DAB1: variants seen among roughly 807,000 people sequenced by gnomAD.
DAB1 encodes DAB adaptor protein 1.
DAB1 carries 15 observed loss-of-function variants against 64.6 expected under a neutral mutation model. That is an observed-to-expected ratio of 0.23 (90% CI 0.16 to 0.36). DAB1 has a LOEUF of 0.36. Ranked by LOEUF, DAB1 falls within the 10% of genes least tolerant of loss-of-function variation. DAB1 has a pLI of 1.00. For missense variants in DAB1, 596 were observed against 706.7 expected (o/e 0.84, Z 1.78); for synonymous variants, 235 against 251.9 (o/e 0.93, Z 0.64).
chr1:58,318,863 C>T (rs1225146414), intron 4 of DAB1, among the ~76,000 whole-genome samples: 3 of 152,102 alleles, frequency 2.0e-5, no homozygotes, highest in Admixed American at 6.6e-5. Flanking sequence ...TCCGAGGTGC[C>T]GAATGTAACC....
At chr1:57,446,598 C>CA (rs11418380) in intron 7 of DAB1, among the ~76,000 whole-genome samples, 90,158 of 132,584 alleles carry the variant, frequency 0.68, 29,853 homozygotes, top group Admixed American at 0.75. Context: ...AACTCCGTTG[C>CA]AAAAAAAAAA....
chr1:57,839,729 A>G (rs1419592121), intron 1 of DAB1, among the ~76,000 whole-genome samples: 2 of 152,222 alleles, frequency 1.3e-5, no homozygotes, highest in Admixed American at 6.5e-5. Flanking sequence ...ATGCATTATC[A>G]TTCTGTTTTA....
intron 3 of DAB1, among the ~76,000 whole-genome samples, chr1:58,423,948 A>T (rs11207228): frequency 0.26 from 39,584 of 152,144 alleles, 5,539 homozygotes; most frequent in Middle Eastern, 0.3. Context: ...CAAGGAAAGG[A>T]TCTAAGAGAG....
intron 1 of DAB1, among the ~76,000 whole-genome samples, chr1:57,299,681 C>A (rs1013787633): frequency 2.0e-5 from 3 of 151,474 alleles, no homozygotes; most frequent in African/African-American, 7.4e-5. Context: ...TTACATCCAA[C>A]CTTCTAAAAT....
At chr1:57,743,358 T>G (rs527524734) in intron 6 of DAB1, among the ~76,000 whole-genome samples, 81 of 152,296 alleles carry the variant, frequency 5.3e-4, no homozygotes, top group Middle Eastern at 6.8e-3. Context: ...CCCTTGAGAA[T>G]GTACTTTGTG....
At chr1:57,927,773 T>G (rs1329892417) in intron 5 of DAB1, among the ~76,000 whole-genome samples, 1 of 152,196 alleles carries the variant, frequency 6.6e-6, no homozygotes, top group Non-Finnish European at 1.5e-5. Flanking sequence ...TATAATCATC[T>G]CTTTGTTTAG....
At chr1:58,440,308 T>A (rs944497120) in intron 3 of DAB1, among the ~76,000 whole-genome samples, 1 of 152,226 alleles carries the variant, frequency 6.6e-6, no homozygotes, top group Non-Finnish European at 1.5e-5. Flanking sequence ...TTGGGCTAGA[T>A]GCTGAGCTTA....
chr1:57,514,000 C>A (rs1348666378), intron 7 of DAB1, among the ~76,000 whole-genome samples: 4 of 152,200 alleles, frequency 2.6e-5, no homozygotes, highest in Non-Finnish European at 5.9e-5. Flanking sequence ...TCAGGTTCAA[C>A]CAAGTTGTCA....
intron 4 of DAB1, among the ~76,000 whole-genome samples, chr1:58,281,983 T>C (rs1020493807): frequency 6.6e-6 from 1 of 152,000 alleles, no homozygotes; most frequent in Non-Finnish European, 1.5e-5. Flanking sequence ...TCATCACATC[T>C]TCCTCCTCCT....
At position 57,088,647 on chromosome 1, in the gene DAB1, C is replaced by G. The variant is rs147821514; in HGVS notation, c.307-16233G>C. 3.5e-3 allele frequency among the ~76,000 whole-genome samples: 532 copies of G among 152,262 alleles called. 5 individuals carry two copies. Among genetic ancestry groups the G allele is most frequent in the African/African-American group, 0.012 (519 of 41,550 alleles). On this transcript the variant is annotated intron_variant, in intron 4 of 14. Coordinates refer to ENST00000371236, the MANE Select transcript of DAB1 (RefSeq NM_001365792.1). The stretch of plus-strand genomic sequence containing the variant: ...TCCAGCTTTTTGGGATTTTTCACTT[C>G]CCTGACTCTACTCAAGCTCTCACTA...
At chr1:58,387,761 G>A (rs1322175598) in intron 3 of DAB1, among the ~76,000 whole-genome samples, 1 of 128,560 alleles carries the variant, frequency 7.8e-6, no homozygotes, top group Non-Finnish European at 1.6e-5. Context: ...GTCTCGCTCT[G>A]TGTTGCCCAG....
chr1:57,291,701 A>G (rs530261902), intron 1 of DAB1, among the ~76,000 whole-genome samples: 1 of 152,288 alleles, frequency 6.6e-6, no homozygotes, highest in South Asian at 2.1e-4. Flanking sequence ...CAGCAAGCCA[A>G]TTTTTATGTC....
At chr1:58,366,680 G>C (rs1400357101) in intron 3 of DAB1, among the ~76,000 whole-genome samples, 1 of 152,192 alleles carries the variant, frequency 6.6e-6, no homozygotes, top group African/African-American at 2.4e-5. Context: ...TCTCCAAGGA[G>C]CAACTTTTTT....
intron 1 of DAB1, among the ~76,000 whole-genome samples, chr1:57,859,581 A>T (rs1226596420): frequency 6.6e-6 from 1 of 152,182 alleles, no homozygotes; most frequent in Non-Finnish European, 1.5e-5. Context: ...ACTTCACTTC[A>T]AAATCTGAGA....
intron 4 of DAB1, among the ~76,000 whole-genome samples, chr1:57,130,842 C>T (rs564910069): frequency 2.6e-5 from 4 of 152,138 alleles, no homozygotes; most frequent in South Asian, 2.1e-4. Flanking sequence ...CTGGAAAATT[C>T]GGTATTATGT....
At chr1:57,504,403 G>A (rs1405881799) in intron 7 of DAB1, among the ~76,000 whole-genome samples, 4 of 152,012 alleles carry the variant, frequency 2.6e-5, no homozygotes, top group South Asian at 2.1e-4. Context: ...CCAATGATGC[G>A]GTATGTCAAA....
intron 1 of DAB1, among the ~76,000 whole-genome samples, chr1:57,409,278 C>T (rs1280567037): frequency 6.6e-6 from 1 of 152,202 alleles, no homozygotes; most frequent in Non-Finnish European, 1.5e-5. Context: ...CTTTGTCACA[C>T]TTTCAGTTCT....
intron 5 of DAB1, among the ~76,000 whole-genome samples, chr1:57,973,831 C>T (rs1436703406): frequency 6.6e-6 from 1 of 152,126 alleles, no homozygotes; most frequent in African/African-American, 2.4e-5. Flanking sequence ...GTCACCATCA[C>T]CATTCTTGCC....
intron 5 of DAB1, among the ~76,000 whole-genome samples, chr1:57,971,999 G>A (rs1164925490): frequency 6.6e-6 from 1 of 152,150 alleles, no homozygotes; most frequent in Non-Finnish European, 1.5e-5. Context: ...AAATCCATAT[G>A]CACACAAAAC....
Sources: allele counts gnomAD v4.1 joint callset (sites outside exome capture counted in the v4.1 genomes callset), GRCh38; gene constraint gnomAD v4.1.1; transcripts MANE v1.5; gene names NCBI Gene and HGNC (gene_info 2026-07-23, HGNC 2026-07-21).